The following DNER variants were observed in gnomAD, a reference collection of about 807,000 sequenced individuals.
DNER encodes delta and Notch-like epidermal growth factor-related receptor.
DNER carries 33 observed loss-of-function variants against 78.2 expected under a neutral mutation model. The ratio of observed to expected loss-of-function variants is 0.42; its 90% confidence interval spans 0.32 to 0.56. The LOEUF is 0.56. Among genes scored for constraint, DNER ranks in the 20% least tolerant of loss-of-function variants. The probability of loss-of-function intolerance (pLI) is 0.11; values close to 1 mark genes in which losing one functional copy is unlikely to be tolerated. For synonymous variants in DNER, 417 were observed against 384.8 expected, an observed-to-expected ratio of 1.08 and a Z score of -0.98; for missense variants, 918 against 975.3, an observed-to-expected ratio of 0.94 and a Z score of 0.78.
chr2:229,600,911 G>C (rs1233838720), intron 1 of DNER, among the ~76,000 whole-genome samples: 1 of 152,174 alleles, frequency 6.6e-6, no homozygotes, highest in Non-Finnish European at 1.5e-5. Context: ...CAGTTGGAGA[G>C]GGGGACTACA....
At chr2:229,364,259 T>C (rs996979102) in intron 12 of DNER, among the ~76,000 whole-genome samples, 17 of 152,162 alleles carry the variant, frequency 1.1e-4, no homozygotes, top group African/African-American at 3.6e-4. Flanking sequence ...GTTGGTGCCC[T>C]GGGATGAGTC....
intron 1 of DNER, among the ~76,000 whole-genome samples, chr2:229,674,212 C>T (rs1699262115): frequency 6.6e-6 from 1 of 152,210 alleles, no homozygotes; most frequent in Non-Finnish European, 1.5e-5. Flanking sequence ...TTGTTTAGCT[C>T]TTCTCGAATT....
chr2:229,624,241 A>G (rs1002236087), intron 1 of DNER, among the ~76,000 whole-genome samples: 3 of 152,224 alleles, frequency 2.0e-5, no homozygotes, highest in Non-Finnish European at 4.4e-5. Flanking sequence ...AGGAAAACAC[A>G]ACTCTAAGTT....
chr2:229,415,559 A>G (rs1456777872), intron 9 of DNER, among the ~76,000 whole-genome samples: 1 of 152,224 alleles, frequency 6.6e-6, no homozygotes, highest in Admixed American at 6.5e-5. Flanking sequence ...ACCATTCACA[A>G]TCACATAAAT....
intron 2 of DNER, 118 bp from the exon 3 acceptor site, chr2:229,588,606 G>T: frequency 1.3e-6 from 1 of 759,856 alleles, no homozygotes; most frequent in Non-Finnish European, 2.2e-6. Flanking sequence ...CGGGGGTAGG[G>T]CTAGAGAGGA....
chr2:229,593,752 T>C (rs1286553959), intron 1 of DNER, among the ~76,000 whole-genome samples: 1 of 152,044 alleles, frequency 6.6e-6, no homozygotes, highest in Admixed American at 6.5e-5. Flanking sequence ...CCCCAAGAAT[T>C]ATGCAACAAG....
chr2:229,698,845 G>C (rs983203948), intron 1 of DNER, among the ~76,000 whole-genome samples: 1 of 152,048 alleles, frequency 6.6e-6, no homozygotes, highest in Non-Finnish European at 1.5e-5. Context: ...TCATTATGAG[G>C]CTTTTCTACA....
chr2:229,428,149 C>A (rs4973201), intron 8 of DNER, among the ~76,000 whole-genome samples: 151,122 of 151,134 alleles, frequency 1, 75,555 homozygotes, highest in Middle Eastern at 1. Context: ...TGGTATCTTT[C>A]ATGTGGGTGG....
chr2:229,358,532 A>C lies in DNER; in HGVS notation c.*8T>G, dbSNP rs746782455. The C allele has an allele frequency of 1.3e-6, 2 of 1,596,168 alleles. No homozygotes were observed. The highest frequency in any genetic ancestry group is 2.3e-5 in the South Asian group (2 of 86,042). On this transcript the variant is annotated 3_prime_UTR_variant, in exon 13 of 13. Coordinates refer to ENST00000341772, the MANE Select transcript of DNER (RefSeq NM_139072.4). The stretch of plus-strand genomic sequence containing the variant: ...TCTCATCTTTTTGAAAAATAATCCA[A>C]AAAAAGATTACAAATCTTTAGTTTT...
At chr2:229,712,187 A>G (rs1157666078) in intron 1 of DNER, among the ~76,000 whole-genome samples, 5 of 152,222 alleles carry the variant, frequency 3.3e-5, no homozygotes, top group Non-Finnish European at 1.5e-5. Context: ...AATGGGAGCT[A>G]CAAAAGAAAT....
At chr2:229,675,268 G>C (rs1441017524) in intron 1 of DNER, among the ~76,000 whole-genome samples, 1 of 152,210 alleles carries the variant, frequency 6.6e-6, no homozygotes, top group Non-Finnish European at 1.5e-5. Flanking sequence ...GAGAACTTCT[G>C]AACTGCTGCC....
chr2:229,388,361 T>G lies in DNER; in HGVS notation c.1759A>C (p.Ser587Arg). ...ECDIDINECD[S>R]NPCHHGGSCL... is the part of the protein sequence containing the mutation. ...CTCCCACCATGGTGGCAGGGGTTAC[T>G]GTCACATTCATTTATGTCAATGTCG... The change falls in exon 11 of 13, where the codon AGT (serine) becomes CGT (arginine). Residue 587 changes from serine to arginine, a missense_variant. By Grantham distance (110) the Ser-to-Arg change is moderately radical. Coordinates refer to ENST00000341772, the MANE Select transcript of DNER (RefSeq NM_139072.4). The G allele has an allele frequency of 6.2e-7, 1 of 1,612,290 alleles. No homozygotes were observed. The highest frequency in any genetic ancestry group is 8.5e-7 in the Non-Finnish European group (1 of 1,179,136).
intron 8 of DNER, among the ~76,000 whole-genome samples, chr2:229,438,137 A>G (rs993937968): frequency 6.6e-6 from 1 of 152,232 alleles, no homozygotes; most frequent in African/African-American, 2.4e-5. Flanking sequence ...AGAATGAAGC[A>G]AAGACAGAAG....
chr2:229,414,319 T>G (rs529427063), intron 9 of DNER, among the ~76,000 whole-genome samples: 2 of 152,276 alleles, frequency 1.3e-5, no homozygotes, highest in African/African-American at 4.8e-5. Context: ...CAGGCTGGAG[T>G]GCAGTGGTGT....
At chr2:229,641,685 G>C (rs905375756) in intron 1 of DNER, among the ~76,000 whole-genome samples, 1 of 151,248 alleles carries the variant, frequency 6.6e-6, no homozygotes, top group African/African-American at 2.4e-5. Context: ...AAATGAAGCA[G>C]GTAGATATAT....
chr2:229,704,052 G>T (rs573701315), intron 1 of DNER, among the ~76,000 whole-genome samples: 13 of 152,262 alleles, frequency 8.5e-5, no homozygotes, highest in Non-Finnish European at 1.8e-4. Flanking sequence ...CATTTGAATA[G>T]ACATTTCATC....
At chr2:229,537,921 T>C (rs1015028940) in intron 5 of DNER, among the ~76,000 whole-genome samples, 1 of 152,212 alleles carries the variant, frequency 6.6e-6, no homozygotes, top group East Asian at 1.9e-4. Context: ...TGTGATTGCA[T>C]TTTCTGTGCA....
intron 5 of DNER, among the ~76,000 whole-genome samples, chr2:229,527,484 G>A (rs142128888): frequency 2.0e-4 from 30 of 152,136 alleles, no homozygotes; most frequent in East Asian, 1.4e-3. Context: ...AGGGACATTC[G>A]CATTTAAATA....
chr2:229,683,661 G>C (rs1039783813), intron 1 of DNER, among the ~76,000 whole-genome samples: 1 of 152,172 alleles, frequency 6.6e-6, no homozygotes, highest in Non-Finnish European at 1.5e-5. Flanking sequence ...TGATGATGAT[G>C]ATGGTGACAA....
Sources: gnomAD v4.1 joint callset for allele counts (sites outside exome capture counted in the v4.1 genomes callset) on GRCh38, gnomAD v4.1.1 for gene constraint, MANE v1.5 for transcripts, NCBI Gene and HGNC (gene_info 2026-07-23, HGNC 2026-07-21) for gene names.